The following ST8SIA1 variants were observed in gnomAD, a reference collection of about 807,000 sequenced individuals.
ST8SIA1 encodes the protein ST8 alpha-N-acetyl-neuraminide alpha-2,8-sialyltransferase 1.
Under a neutral mutation model 35.9 loss-of-function variants are expected in ST8SIA1, and 16 were observed. That is an observed-to-expected ratio of 0.45 (90% CI 0.30 to 0.68). The LOEUF is 0.68. Among genes scored for constraint, ST8SIA1 ranks in the 30% least tolerant of loss-of-function variants. The pLI is 0.09. For synonymous variants in ST8SIA1, 170 were observed against 169.6 expected, an observed-to-expected ratio of 1.00 and a Z score of -0.02; for missense variants, 383 against 453.6, an observed-to-expected ratio of 0.84 and a Z score of 1.41.
chr12:22,233,572 T>C (rs1865441664), intron 4 of ST8SIA1, among the ~76,000 whole-genome samples: 1 of 152,146 alleles, frequency 6.6e-6, no homozygotes, highest in Non-Finnish European at 1.5e-5. Context: ...GGAATTTTCT[T>C]GTTTTCTCTT....
chr12:22,263,946 A>T (rs1434418795), intron 2 of ST8SIA1, among the ~76,000 whole-genome samples: 3 of 152,192 alleles, frequency 2.0e-5, no homozygotes, highest in African/African-American at 7.2e-5. Context: ...GTCAAAACAT[A>T]TGTTTGCCCT....
At position 22,195,991 on chromosome 12, in the gene ST8SIA1, T is replaced by C. The variant is rs1864982949; in HGVS notation, c.*5561A>G. ...AAGAGGCAGGATCAATATATTTGGA[T>C]ATTATTCTATAAAATTCTCAGACAG... On this transcript the variant is annotated 3_prime_UTR_variant, in exon 5 of 5. Coordinates refer to ENST00000396037, the MANE Select transcript of ST8SIA1 (RefSeq NM_003034.4). The C allele has an allele frequency of 6.6e-6, 1 of 152,206 alleles. No individual in the cohort carries two copies. The highest frequency in any genetic ancestry group is 6.5e-5 in the Admixed American group (1 of 15,286). 9.4% of individuals were successfully genotyped at this position (152,206 alleles called of 1,614,324 possible).
At chr12:22,285,877 C>CAAAAAAAAAAAA (rs1398352110) in intron 2 of ST8SIA1, among the ~76,000 whole-genome samples, 2 of 103,626 alleles carry the variant, frequency 1.9e-5, no homozygotes, top group African/African-American at 7.4e-5. Flanking sequence ...CTGTCAAAAA[C>CAAAAAAAAAAAA]AAAAAAAAAA....
intron 1 of ST8SIA1, among the ~76,000 whole-genome samples, chr12:22,321,783 G>A (rs962393372): frequency 6.6e-5 from 10 of 152,162 alleles, no homozygotes; most frequent in African/African-American, 2.4e-4. Flanking sequence ...ACCCCAAATT[G>A]AGACTCAGCT....
At chr12:22,285,871 C>CAAAAACAAA (rs1555160049) in intron 2 of ST8SIA1, among the ~76,000 whole-genome samples, 4 of 94,948 alleles carry the variant, frequency 4.2e-5, no homozygotes, top group Admixed American at 1.2e-4. Context: ...AAGACTCTGT[C>CAAAAACAAA]AAAAACAAAA....
intron 4 of ST8SIA1, 54 bp downstream of exon 4, chr12:22,248,952 T>C: frequency 7.5e-7 from 1 of 1,337,154 alleles, no homozygotes; most frequent in South Asian, 1.2e-5. Context: ...AAATGCTAAG[T>C]ACTTGAGAAG....
chr12:22,306,299 A>G (rs1455058914), intron 1 of ST8SIA1, among the ~76,000 whole-genome samples: 1 of 152,118 alleles, frequency 6.6e-6, no homozygotes, highest in Admixed American at 6.5e-5. Flanking sequence ...GGCAAAATCA[A>G]CTTTCTAAGT....
At chr12:22,281,842 TA>T (rs1013650773) in intron 2 of ST8SIA1, among the ~76,000 whole-genome samples, 3 of 130,060 alleles carry the variant, frequency 2.3e-5, no homozygotes, top group Non-Finnish European at 5.0e-5. Flanking sequence ...AAAAATACAA[TA>T]AAAAAAATAC....
At chr12:22,304,102 A>G (rs552542362) in intron 1 of ST8SIA1, among the ~76,000 whole-genome samples, 36 of 152,244 alleles carry the variant, frequency 2.4e-4, no homozygotes, top group African/African-American at 8.4e-4. Context: ...TGTTTCCTAA[A>G]TCAAGCCCTT....
At chr12:22,258,549 A>G (rs1194058091) in intron 2 of ST8SIA1, among the ~76,000 whole-genome samples, 1 of 152,240 alleles carries the variant, frequency 6.6e-6, no homozygotes, top group Non-Finnish European at 1.5e-5. Context: ...AAGTAAGACA[A>G]CAGCTGAAAA....
chr12:22,325,088 GC>G (rs920068612), intron 1 of ST8SIA1: 16 of 198,786 alleles, frequency 8.0e-5, no homozygotes, highest in African/African-American at 3.7e-4. Context: ...ATTTCAGCAG[GC>G]TTTTTCTTCT....
chr12:22,255,409 C>T lies in ST8SIA1; in HGVS notation c.382-20G>A, dbSNP rs752715693. The T allele has an allele frequency of 5.6e-6, 9 of 1,598,500 alleles. No homozygotes were observed. The highest frequency in any genetic ancestry group is 1.7e-5 in the Admixed American group (1 of 59,982). ...GGTTGCCTAGCAACAGAAAACAAGG[C>T]GGGTTTTCACTGCAAAGAACACACA... On this transcript the variant is annotated intron_variant, in intron 2 of 4. Transcript: ENST00000396037.
intron 1 of ST8SIA1, among the ~76,000 whole-genome samples, chr12:22,290,412 C>A (rs574964920): frequency 3.3e-5 from 5 of 152,118 alleles, no homozygotes; most frequent in Non-Finnish European, 7.4e-5. Context: ...TAGTAGTAGT[C>A]ATATTAGAAG....
chr12:22,207,858 T>G (rs1221602023), intron 4 of ST8SIA1, among the ~76,000 whole-genome samples: 3 of 151,568 alleles, frequency 2.0e-5, no homozygotes, highest in African/African-American at 7.3e-5. Flanking sequence ...AAATAGAAAA[T>G]TTCTAGCCAG....
intron 2 of ST8SIA1, among the ~76,000 whole-genome samples, chr12:22,260,352 A>G (rs971086044): frequency 2.0e-5 from 3 of 151,966 alleles, no homozygotes; most frequent in Admixed American, 2.0e-4. Context: ...TGTAGAGACG[A>G]GATTTCGCCG....
chr12:22,334,013 C>A lies in ST8SIA1; in HGVS notation c.220G>T (p.Ala74Ser). 2 of 1,613,866 alleles carry A rather than the reference C, an allele frequency of 1.2e-6. No individual in the cohort carries two copies. Among genetic ancestry groups the A allele is most frequent in the Non-Finnish European group, 1.7e-6 (2 of 1,179,962 alleles). ...QGTAWRRNQT[A>S]ARAFRKQMED... ...CAGGAGTACCTGAACGCTCTGGCCG[C>A]GGTCTGGTTCCTCCTCCACGCCGTG... The change falls in exon 1 of 5, where the codon GCG becomes TCG. Residue 74 changes from alanine (A) to serine (S), a missense_variant. Physicochemically the swap from Ala to Ser is moderately conservative, Grantham distance 99. Coordinates refer to ENST00000396037, the MANE Select transcript of ST8SIA1 (RefSeq NM_003034.4).
intron 2 of ST8SIA1, among the ~76,000 whole-genome samples, chr12:22,260,693 T>C (rs1295294724): frequency 6.6e-6 from 1 of 152,126 alleles, no homozygotes; most frequent in African/African-American, 2.4e-5. Flanking sequence ...TAAAATAAGG[T>C]GAGGCATTTA....
chr12:22,303,523 G>C (rs558942550), intron 1 of ST8SIA1, among the ~76,000 whole-genome samples: 1 of 152,024 alleles, frequency 6.6e-6, no homozygotes, highest in Admixed American at 6.6e-5. Flanking sequence ...TAACTGAATC[G>C]GGGTTTGTTT....
At chr12:22,225,337 C>T (rs928529993) in intron 4 of ST8SIA1, among the ~76,000 whole-genome samples, 21 of 151,952 alleles carry the variant, frequency 1.4e-4, no homozygotes, top group African/African-American at 4.6e-4. Flanking sequence ...ACTAATAGGT[C>T]CAGATCCTAA....
Sources: gnomAD v4.1 joint callset for allele counts (sites outside exome capture counted in the v4.1 genomes callset) on GRCh38, gnomAD v4.1.1 for gene constraint, MANE v1.5 for transcripts, NCBI Gene and HGNC (gene_info 2026-07-23, HGNC 2026-07-21) for gene names.